The following IMMP2L variants were observed in gnomAD, a reference collection of about 807,000 sequenced individuals.
The protein encoded by IMMP2L is inner mitochondrial membrane peptidase subunit 2.
A neutral mutation model predicts 19.3 loss-of-function variants in IMMP2L; 18 were observed. The observed-to-expected ratio is 0.93, with a 90% confidence interval of 0.64 to 1.38. The LOEUF (loss-of-function observed/expected upper bound fraction) is 1.38. Ranked by LOEUF, IMMP2L falls within the 40% of genes most tolerant of loss-of-function variation. IMMP2L has a pLI of 0.00. For missense variants in IMMP2L, 233 were observed against 218.2 expected, an observed-to-expected ratio of 1.07 and a Z score of -0.43; for synonymous variants, 76 against 73.0, an observed-to-expected ratio of 1.04 and a Z score of -0.21.
intron 3 of IMMP2L, among the ~76,000 whole-genome samples, chr7:111,016,072 G>A (rs1320198280): frequency 6.6e-6 from 1 of 151,912 alleles, no homozygotes; most frequent in Non-Finnish European, 1.5e-5. Flanking sequence ...AAAATTTCAA[G>A]GATAAAAATA....
intron 5 of IMMP2L, among the ~76,000 whole-genome samples, chr7:110,721,323 G>C (rs1349071410): frequency 6.6e-6 from 1 of 152,068 alleles, no homozygotes; most frequent in Non-Finnish European, 1.5e-5. Context: ...TGTTTGGCCA[G>C]TATATGGCAA....
intron 3 of IMMP2L, among the ~76,000 whole-genome samples, chr7:110,979,930 A>T (rs1039897194): frequency 6.6e-6 from 1 of 152,168 alleles, no homozygotes; most frequent in Non-Finnish European, 1.5e-5. Flanking sequence ...TGGTATGTGA[A>T]TTACACTTCA....
At chr7:111,432,048 A>C (rs1289987840) in intron 3 of IMMP2L, among the ~76,000 whole-genome samples, 1 of 151,884 alleles carries the variant, frequency 6.6e-6, no homozygotes, top group East Asian at 1.9e-4. Context: ...CTGCAACTTG[A>C]AGCCAGTTCA....
intron 5 of IMMP2L, among the ~76,000 whole-genome samples, chr7:110,814,033 A>G (rs1288255060): frequency 6.6e-6 from 1 of 152,038 alleles, no homozygotes; most frequent in Non-Finnish European, 1.5e-5. Context: ...AACTAAAGAC[A>G]TCAATTCCCA....
rs2129543787 is a variant in IMMP2L, at chr7:110,870,786, G to A, written c.408+15807C>T. Among the ~76,000 whole-genome samples the A allele has an allele frequency of 1.3e-5, 2 of 152,250 alleles. No homozygotes were observed. The highest frequency in any genetic ancestry group is 6.8e-3 in the Middle Eastern group (2 of 294). ...AGATGGAGAGGCCATACAATGTGAG[G>A]GCCCTAAAGGCCATGGTCAAGGGAA... On this transcript the variant is annotated intron_variant, in intron 5 of 5. Transcript: ENST00000405709. This position sits in a 1 kb window ranked among gnomAD's most constrained non-coding sequence, Gnocchi z 4.2.
chr7:111,058,433 A>C (rs1249985872), intron 3 of IMMP2L, among the ~76,000 whole-genome samples: 2 of 152,240 alleles, frequency 1.3e-5, no homozygotes, highest in African/African-American at 4.8e-5. Flanking sequence ...AAACAAGCTG[A>C]AACTAAAAAG....
At chr7:110,894,756 A>G (rs575309961) in intron 4 of IMMP2L, among the ~76,000 whole-genome samples, 1 of 152,300 alleles carries the variant, frequency 6.6e-6, no homozygotes, top group Admixed American at 6.5e-5. Flanking sequence ...CATGTTTTTC[A>G]TAAGAAATTA....
intron 5 of IMMP2L, among the ~76,000 whole-genome samples, chr7:110,852,787 G>C (rs774765660): frequency 1.9e-4 from 29 of 151,946 alleles, no homozygotes; most frequent in Non-Finnish European, 2.8e-4. Context: ...GCCACATAGA[G>C]AGCCCAAGTG....
chr7:110,887,989 C>T (rs559918657), intron 4 of IMMP2L, among the ~76,000 whole-genome samples: 1 of 151,800 alleles, frequency 6.6e-6, no homozygotes, highest in African/African-American at 2.4e-5. Context: ...TAAATTGGTG[C>T]TACAGAAACT....
chr7:111,467,373 G>C (rs1401262756), intron 3 of IMMP2L, among the ~76,000 whole-genome samples: 1 of 152,116 alleles, frequency 6.6e-6, no homozygotes, highest in Non-Finnish European at 1.5e-5. Flanking sequence ...ATACAGTCCA[G>C]AAATATATTC....
At chr7:111,549,525 C>A (rs1027943759) in intron 1 of IMMP2L, among the ~76,000 whole-genome samples, 1 of 152,112 alleles carries the variant, frequency 6.6e-6, no homozygotes, top group Non-Finnish European at 1.5e-5. Flanking sequence ...GAAGTTTTAA[C>A]TGAATGTTTA....
intron 5 of IMMP2L, among the ~76,000 whole-genome samples, chr7:110,782,182 G>A (rs996837468): frequency 2.0e-5 from 3 of 151,832 alleles, no homozygotes; most frequent in African/African-American, 7.3e-5. Context: ...ACATAAAAGA[G>A]AGATTCTGAG....
At chr7:110,848,239 T>C (rs1037929825) in intron 5 of IMMP2L, among the ~76,000 whole-genome samples, 3 of 152,112 alleles carry the variant, frequency 2.0e-5, no homozygotes, top group South Asian at 2.1e-4. Context: ...CCTTTAAGAA[T>C]GAGCAAAAAG....
intron 5 of IMMP2L, among the ~76,000 whole-genome samples, chr7:110,862,261 T>A (rs1807519282): frequency 6.6e-6 from 1 of 151,868 alleles, no homozygotes. Flanking sequence ...TGGGGCTGTG[T>A]TTTATACTTT....
At chr7:111,246,052 T>C (rs1274293778) in intron 3 of IMMP2L, among the ~76,000 whole-genome samples, 1 of 29,184 alleles carries the variant, frequency 3.4e-5, no homozygotes, top group East Asian at 2.1e-3. Context: ...ATAGGGAGGA[T>C]TCCCTCTTTT....
intron 4 of IMMP2L, among the ~76,000 whole-genome samples, chr7:110,904,852 T>A (rs1425259644): frequency 1.3e-5 from 2 of 152,202 alleles, no homozygotes; most frequent in Admixed American, 1.3e-4. Flanking sequence ...CGGAACCACA[T>A]AATTAATATA....
At chr7:111,180,831 GA>G (rs1046596068) in intron 3 of IMMP2L, among the ~76,000 whole-genome samples, 40 of 152,034 alleles carry the variant, frequency 2.6e-4, no homozygotes, top group African/African-American at 9.4e-4. Context: ...TATAAATTGA[GA>G]AAAAATTTGA....
intron 3 of IMMP2L, among the ~76,000 whole-genome samples, chr7:111,272,995 G>T (rs1193854371): frequency 1.3e-5 from 2 of 152,214 alleles, no homozygotes; most frequent in East Asian, 3.9e-4. Context: ...TCAAAGTCCA[G>T]AAATTAAAAA....
chr7:110,810,678 T>A lies in IMMP2L; in HGVS notation c.408+75915A>T, dbSNP rs539549993. ...GAACACTAGGCATAAATGGGATTAA[T>A]GAGCCTCAAATATCCTCAGTGGCAG... On this transcript the variant is annotated intron_variant, in intron 5 of 5. Transcript: ENST00000405709. 5.3e-5 allele frequency among the ~76,000 whole-genome samples: 8 copies of A among 152,204 alleles called. No individual in the cohort carries two copies. The East Asian group carries it at 1.4e-3, about 26-fold the overall frequency.
Sources: allele counts gnomAD v4.1 joint callset (sites outside exome capture counted in the v4.1 genomes callset), GRCh38; gene constraint gnomAD v4.1.1; non-coding constraint Gnocchi (gnomAD v3.1); transcripts MANE v1.5; gene names NCBI Gene and HGNC (gene_info 2026-07-23, HGNC 2026-07-21).